SEMA6D: variants seen among roughly 807,000 people sequenced by gnomAD.
SEMA6D encodes semaphorin-6D.
A neutral mutation model predicts 106.6 loss-of-function variants in SEMA6D; 35 were observed. The observed-to-expected ratio is 0.33, with a 90% confidence interval of 0.25 to 0.44. The LOEUF (loss-of-function observed/expected upper bound fraction) is 0.44, where lower values mean the gene tolerates loss of function less well. SEMA6D is among the 20% of genes least tolerant of loss of function. SEMA6D has a pLI of 1.00. For missense variants in SEMA6D, 1,185 were observed against 1,345.9 expected (o/e 0.88, Z 1.87); for synonymous variants, 499 against 487.7 (o/e 1.02, Z -0.31).
At chr15:47,289,840 C>T (rs1380519535) in intron 1 of SEMA6D, among the ~76,000 whole-genome samples, 2 of 151,628 alleles carry the variant, frequency 1.3e-5, no homozygotes, top group Admixed American at 6.6e-5. Context: ...TCTAGATCAC[C>T]ATCTGCAACC....
chr15:47,516,670 A>G (rs2044399098), intron 3 of SEMA6D, among the ~76,000 whole-genome samples: 1 of 152,132 alleles, frequency 6.6e-6, no homozygotes, highest in Non-Finnish European at 1.5e-5. Flanking sequence ...TATGTATCAT[A>G]GTAGTGTGCC....
intron 1 of SEMA6D, among the ~76,000 whole-genome samples, chr15:47,381,731 C>T (rs281260): frequency 0.47 from 71,772 of 152,072 alleles, 20,411 homozygotes; most frequent in South Asian, 0.62. Context: ...TTCAAGGTAA[C>T]GTGATATTAA....
rs769880393 is a variant in SEMA6D at position 47,771,515 on chromosome 15, A to C, written c.2952A>C (p.Pro984=). 1 of 1,613,964 alleles carries C rather than the reference A, an allele frequency of 6.2e-7. No homozygotes were observed. Among genetic ancestry groups the C allele is most frequent in the African/African-American group, 1.3e-5 (1 of 74,910 alleles). ...ISAMPKNLNS[P]NGVLLSRQPS... ...CTATGCCTAAAAACTTAAACTCACCAAATGGTGTTTTGTTATCCAGACAGC... is the reference window on the plus strand; with the variant it reads ...CTATGCCTAAAAACTTAAACTCACCCAATGGTGTTTTGTTATCCAGACAGC... The change falls in exon 19 of 19, where the codon CCA becomes CCC. Residue 984 remains proline, a synonymous_variant. Coordinates refer to ENST00000536845, the MANE Select transcript of SEMA6D (RefSeq NM_001358351.3).
chr15:47,480,949 T>G (rs181592798), intron 3 of SEMA6D, among the ~76,000 whole-genome samples: 29 of 152,304 alleles, frequency 1.9e-4, no homozygotes, highest in Admixed American at 1.9e-3. Flanking sequence ...TGCACCTTTG[T>G]GTTTTCATTG....
chr15:47,697,821 C>A (rs1431862625), intron 4 of SEMA6D, among the ~76,000 whole-genome samples: 2 of 152,234 alleles, frequency 1.3e-5, no homozygotes, highest in African/African-American at 4.8e-5. Flanking sequence ...GCATCCTCAG[C>A]ACGTACACCA....
intron 1 of SEMA6D, among the ~76,000 whole-genome samples, chr15:47,722,780 C>G (rs887317379): frequency 2.8e-4 from 43 of 152,194 alleles, no homozygotes; most frequent in African/African-American, 7.7e-4. Context: ...GAGGAAAGAA[C>G]AGCAGCAACC....
chr15:47,558,082 T>C (rs547748431), intron 3 of SEMA6D, among the ~76,000 whole-genome samples: 50 of 152,204 alleles, frequency 3.3e-4, no homozygotes, highest in Admixed American at 2.1e-3. Context: ...ACTGGACACA[T>C]CATTTCACTT....
chr15:47,475,005 C>T (rs1290637172), intron 3 of SEMA6D, among the ~76,000 whole-genome samples: 1 of 152,134 alleles, frequency 6.6e-6, no homozygotes, highest in African/African-American at 2.4e-5. Context: ...CTGTGTGGAG[C>T]AGAGTCCCTG....
At chr15:47,586,119 CACTT>C (rs1245028735) in intron 3 of SEMA6D, among the ~76,000 whole-genome samples, 7 of 152,174 alleles carry the variant, frequency 4.6e-5, no homozygotes, top group African/African-American at 1.4e-4. Context: ...TAATAAGAGA[CACTT>C]ACTTTTAATA....
chr15:47,523,252 G>C (rs566839807), intron 3 of SEMA6D, among the ~76,000 whole-genome samples: 4 of 152,128 alleles, frequency 2.6e-5, no homozygotes, highest in Non-Finnish European at 5.9e-5. Flanking sequence ...CTTACTTTCA[G>C]AGAGCTCCCA....
intron 1 of SEMA6D, among the ~76,000 whole-genome samples, chr15:47,267,316 T>A (rs777693658): frequency 6.6e-6 from 1 of 151,990 alleles, no homozygotes; most frequent in Non-Finnish European, 1.5e-5. Flanking sequence ...TTTTTTTTTC[T>A]CTTTCTACTT....
intron 1 of SEMA6D, among the ~76,000 whole-genome samples, chr15:47,257,509 C>G (rs572478211): frequency 6.6e-6 from 1 of 152,216 alleles, no homozygotes; most frequent in East Asian, 1.9e-4. Context: ...CATTTGAACT[C>G]AGTAATATGT....
chr15:47,480,978 A>C (rs2043138991), intron 3 of SEMA6D, among the ~76,000 whole-genome samples: 1 of 152,108 alleles, frequency 6.6e-6, no homozygotes, highest in South Asian at 2.1e-4. Context: ...TCATACTTTC[A>C]TCTTAGATCT....
intron 1 of SEMA6D, among the ~76,000 whole-genome samples, chr15:47,260,607 A>T (rs1376360797): frequency 6.6e-6 from 1 of 152,070 alleles, no homozygotes; most frequent in Non-Finnish European, 1.5e-5. Context: ...TCATTCATTC[A>T]GTCATTGTGA....
chr15:47,263,624 C>T (rs949998978), intron 1 of SEMA6D, among the ~76,000 whole-genome samples: 16 of 151,868 alleles, frequency 1.1e-4, no homozygotes, highest in Admixed American at 3.9e-4. Flanking sequence ...TCAACCATTG[C>T]GGAAGATAGT....
chr15:47,435,411 T>C (rs1026861632), intron 2 of SEMA6D, among the ~76,000 whole-genome samples: 1 of 152,100 alleles, frequency 6.6e-6, no homozygotes, highest in Non-Finnish European at 1.5e-5. Flanking sequence ...TGGTGGAAAC[T>C]CTGTTTTTCC....
At chr15:47,447,727 G>A (rs1018152735) in intron 2 of SEMA6D, among the ~76,000 whole-genome samples, 2 of 152,140 alleles carry the variant, frequency 1.3e-5, no homozygotes, top group African/African-American at 4.8e-5. Flanking sequence ...AGGGGGCAGT[G>A]GGAACCCCAA....
chr15:47,393,671 A>G (rs555752879), intron 1 of SEMA6D, among the ~76,000 whole-genome samples: 1 of 152,320 alleles, frequency 6.6e-6, no homozygotes, highest in South Asian at 2.1e-4. Context: ...GGTTAGCAGC[A>G]TAGCCAACCT....
chr15:47,451,075 G>A (rs1352813317), intron 2 of SEMA6D, among the ~76,000 whole-genome samples: 3 of 152,112 alleles, frequency 2.0e-5, no homozygotes, highest in African/African-American at 7.2e-5. Flanking sequence ...CTGCTTTGCA[G>A]CGAATGTGAG....
Sources: allele counts gnomAD v4.1 joint callset (sites outside exome capture counted in the v4.1 genomes callset), GRCh38; gene constraint gnomAD v4.1.1; transcripts MANE v1.5; gene names NCBI Gene and HGNC (gene_info 2026-07-23, HGNC 2026-07-21).